The following ATG7 variants were observed in gnomAD, a reference collection of about 807,000 sequenced individuals.
ATG7 encodes autophagy related 7, also known as ubiquitin-like modifier-activating enzyme ATG7.
A neutral mutation model predicts 82.4 loss-of-function variants in ATG7; 70 were observed. The observed-to-expected ratio is 0.85, with a 90% CI of 0.70 to 1.04. The LOEUF (loss-of-function observed/expected upper bound fraction) is 1.04, where lower values mean the gene tolerates loss of function less well. ATG7 is among the 50% of genes least tolerant of loss of function. The pLI, the probability that ATG7 is intolerant of heterozygous loss-of-function variation, is 0.00. For synonymous variants in ATG7, 287 were observed against 313.0 expected (o/e 0.92, Z 0.88); for missense variants, 792 against 864.3 (o/e 0.92, Z 1.05).
intron 19 of ATG7, among the ~76,000 whole-genome samples, chr3:11,412,444 T>C (rs1434599244): frequency 6.6e-6 from 1 of 152,118 alleles, no homozygotes; most frequent in Non-Finnish European, 1.5e-5. Context: ...TTGGCACTCT[T>C]GTCAAAAATT....
chr3:11,435,128 TATATCA>T (rs1260108663), intron 20 of ATG7, among the ~76,000 whole-genome samples: 4 of 152,230 alleles, frequency 2.6e-5, no homozygotes, highest in Non-Finnish European at 4.4e-5. Context: ...TGTTTAAAAA[TATATCA>T]AAGTACTTAC....
intron 20 of ATG7, among the ~76,000 whole-genome samples, chr3:11,475,684 C>G (rs2088083037): frequency 6.6e-6 from 1 of 152,146 alleles, no homozygotes; most frequent in Non-Finnish European, 1.5e-5. Context: ...TTTGTTGATA[C>G]TGTTAACTTA....
At chr3:11,469,988 CAAAAAAAAA>C (rs10628540) in intron 20 of ATG7, among the ~76,000 whole-genome samples, 1 of 87,572 alleles carries the variant, frequency 1.1e-5, no homozygotes. Flanking sequence ...GACTCCATCT[CAAAAAAAAA>C]AAAAAAAAAA....
At chr3:11,491,321 A>G (rs2090329958) in intron 20 of ATG7, among the ~76,000 whole-genome samples, 1 of 152,140 alleles carries the variant, frequency 6.6e-6, no homozygotes, top group Admixed American at 6.5e-5. Flanking sequence ...TTTCAGCTCC[A>G]TCAGCTCCTT....
At chr3:11,279,061 T>C (rs191754766) in intron 1 of ATG7, among the ~76,000 whole-genome samples, 36 of 152,314 alleles carry the variant, frequency 2.4e-4, no homozygotes, top group Admixed American at 1.0e-3. Context: ...TCCCTTTGCC[T>C]GGAGAGTCCC....
intron 3 of ATG7, among the ~76,000 whole-genome samples, chr3:11,296,575 A>G (rs1945959547): frequency 6.6e-6 from 1 of 152,228 alleles, no homozygotes; most frequent in Non-Finnish European, 1.5e-5. Flanking sequence ...ACCATGCAGG[A>G]CTGCCACTGG....
chr3:11,397,029 A>G (rs2079355854), intron 19 of ATG7, among the ~76,000 whole-genome samples: 1 of 152,206 alleles, frequency 6.6e-6, no homozygotes. Context: ...GGAAGAAAAA[A>G]ACAAGTACAA....
At position 11,342,124 on chromosome 3, in the gene ATG7, T is replaced by G. The variant is rs1953740837; in HGVS notation, c.981-11T>G. ...AGGAGTGACTGAATAAGTAAATCTC[T>G]CCTTTTCTAGGTTAGCTGAGTCATC... On this transcript the variant is annotated splice_polypyrimidine_tract_variant and intron_variant, in intron 12 of 20. Coordinates refer to ENST00000693202, the MANE Select transcript of ATG7 (RefSeq NM_001349232.2). The G allele has an allele frequency of 6.2e-7, 1 of 1,608,660 alleles. No individual in the cohort carries two copies. Among genetic ancestry groups the G allele is most frequent in the African/African-American group, 1.3e-5 (1 of 74,872 alleles).
At position 11,429,948 on chromosome 3, in the gene ATG7, GAA is replaced by G. The variant is rs542247546; in HGVS notation, c.2079+3041_2079+3042del. ...GCGACAGAGCGAGACTCTGTCTCAGGAAAAAAAAAAAAAAAAAAAATTCTGTG... is the reference window on the plus strand; with the variant it reads ...GCGACAGAGCGAGACTCTGTCTCAGGAAAAAAAAAAAAAAAAAATTCTGTG... On this transcript the variant is annotated intron_variant, in intron 20 of 20. Coordinates refer to ENST00000693202, the MANE Select transcript of ATG7 (RefSeq NM_001349232.2). 1.7e-4 allele frequency among the ~76,000 whole-genome samples: 22 copies of G among 126,162 alleles called. No homozygotes were observed. In the South Asian group the frequency reaches 4.8e-3, roughly 27 times the overall value. The allele number at this position is 126,162 out of a possible 152,430, so 82.8% of individuals were successfully genotyped here. A position where few individuals can be genotyped will look rare whatever the true frequency, so the allele number is the denominator to read the frequency against.
At chr3:11,351,723 A>G (rs911316437) in intron 14 of ATG7, among the ~76,000 whole-genome samples, 21 of 152,244 alleles carry the variant, frequency 1.4e-4, no homozygotes, top group African/African-American at 4.3e-4. Flanking sequence ...AATAGGAGAT[A>G]ATATACACAA....
At chr3:11,523,024 C>T (rs569051038) in intron 20 of ATG7, among the ~76,000 whole-genome samples, 3 of 152,052 alleles carry the variant, frequency 2.0e-5, no homozygotes, top group African/African-American at 7.2e-5. Flanking sequence ...TCAGAGGTGC[C>T]GATGAAATAG....
At chr3:11,404,125 A>ATTTTTTTTT (rs10591303) in intron 19 of ATG7, among the ~76,000 whole-genome samples, 2 of 76,938 alleles carry the variant, frequency 2.6e-5, no homozygotes, top group African/African-American at 5.5e-5. Context: ...AACCAGCTCA[A>ATTTTTTTTT]TTTTTTTTTT....
At chr3:11,562,099 T>C (rs1289762439), downstream of ATG7, among the ~76,000 whole-genome samples, 1 of 152,008 alleles carries the variant, frequency 6.6e-6, no homozygotes, top group Non-Finnish European at 1.5e-5. Context: ...GGTTTCACCA[T>C]GTTGGCCAGG....
At chr3:11,436,149 G>A (rs1203456626) in intron 20 of ATG7, among the ~76,000 whole-genome samples, 7 of 152,126 alleles carry the variant, frequency 4.6e-5, no homozygotes, top group Non-Finnish European at 1.0e-4. Flanking sequence ...AATTAAAAAT[G>A]GGCATTAGAT....
At chr3:11,470,783 A>C (rs1434223536) in intron 20 of ATG7, among the ~76,000 whole-genome samples, 2 of 152,168 alleles carry the variant, frequency 1.3e-5, no homozygotes, top group Admixed American at 6.5e-5. Flanking sequence ...CCGAGCCAGG[A>C]GAGGAGATGG....
chr3:11,503,626 C>T (rs959270611), intron 20 of ATG7, among the ~76,000 whole-genome samples: 17 of 151,452 alleles, frequency 1.1e-4, no homozygotes, highest in East Asian at 3.9e-4. Flanking sequence ...CATGGTGGCG[C>T]GTGCCTGTAA....
chr3:11,415,846 CAT>C (rs902051361), intron 19 of ATG7, among the ~76,000 whole-genome samples: 17 of 151,104 alleles, frequency 1.1e-4, no homozygotes, highest in Middle Eastern at 3.4e-3. Context: ...ATAAACATAA[CAT>C]AGTTGATTAT....
chr3:11,377,576 T>C (rs914727595), intron 18 of ATG7, among the ~76,000 whole-genome samples: 1 of 152,208 alleles, frequency 6.6e-6, no homozygotes, highest in East Asian at 1.9e-4. Flanking sequence ...TACCAGTATT[T>C]GTGCAACATA....
Position 11,287,245 on chromosome 3 carries a change from C to T in ATG7, c.-11+4807C>T, listed in dbSNP as rs990176996. On this transcript the variant is annotated intron_variant, in intron 3 of 20. Transcript: ENST00000693202. ...TACCAAATGTCTAGGTGGCTTAGAG[C>T]CAGGAGTGATTAAATATAGCTGCCA... Among the ~76,000 whole-genome samples the T allele has an allele frequency of 2.0e-5, 3 of 152,126 alleles. No individual in the cohort carries two copies. The South Asian group carries it at 6.3e-4, about 32-fold the overall frequency.
Sources: gnomAD v4.1 joint callset for allele counts (sites outside exome capture counted in the v4.1 genomes callset) on GRCh38, gnomAD v4.1.1 for gene constraint, MANE v1.5 for transcripts, NCBI Gene and HGNC (gene_info 2026-07-23, HGNC 2026-07-21) for gene names.